Variants in MAPK8IP2 observed in about 807,000 individuals in gnomAD.
MAPK8IP2 encodes C-Jun-amino-terminal kinase-interacting protein 2.
In MAPK8IP2, 15 loss-of-function variants were observed where a neutral mutation model predicts 75.6. The observed-to-expected ratio is 0.20, with a 90% CI of 0.13 to 0.31. MAPK8IP2 has a LOEUF of 0.31. Ranked by LOEUF, MAPK8IP2 falls within the 10% of genes least tolerant of loss-of-function variation. MAPK8IP2 has a pLI of 1.00. For missense variants in MAPK8IP2, 1,089 were observed against 1,211.2 expected (o/e 0.90, Z 1.50); for synonymous variants, 632 against 554.5 (o/e 1.14, Z -1.96).
intron 8 of MAPK8IP2, among the ~76,000 whole-genome samples, chr22:50,606,428 G>C (rs1029615008): frequency 2.8e-5 from 2 of 72,424 alleles, no homozygotes; most frequent in Non-Finnish European, 6.8e-5. Flanking sequence ...CTGCCTGGAG[G>C]AGCAGAAGGA....
chr22:50,606,511 T>TA lies in MAPK8IP2; in HGVS notation c.2125-146dup, dbSNP rs1396297502. On this transcript the variant is annotated intron_variant, in intron 8 of 11. Coordinates refer to ENST00000329492, the MANE Select transcript of MAPK8IP2 (RefSeq NM_012324.6). ...GAGGAGTGGCCAAGGCCACACCCCTTATGTCTTCCAGAATTGCATCTCAGG... is the reference window on the plus strand; with the variant it reads ...GAGGAGTGGCCAAGGCCACACCCCTTAATGTCTTCCAGAATTGCATCTCAGG... The TA allele has an allele frequency of 6.0e-6, 4 of 671,984 alleles. No individual in the cohort carries two copies. In the African/African-American group the frequency reaches 7.1e-5, roughly 12 times the overall value. 41.6% of individuals were successfully genotyped at this position (671,984 alleles called of 1,614,324 possible). A position where few individuals can be genotyped will look rare whatever the true frequency, so the allele number is the denominator to read the frequency against.
At chr22:50,608,556 G>T (rs113812132) in intron 10 of MAPK8IP2, among the ~76,000 whole-genome samples, 3 of 138,828 alleles carry the variant, frequency 2.2e-5, no homozygotes, top group Non-Finnish European at 3.1e-5. Context: ...ACAGTGGGCA[G>T]GGGCGCAGAC....
In MAPK8IP2 at chr22:50,604,766, CG is replaced by C; in HGVS notation, c.1472del (p.Gly491AlafsTer34). 6.5e-7 allele frequency: 1 copy of C among 1,544,218 alleles called. No homozygotes were observed. Among genetic ancestry groups the C allele is most frequent in the Non-Finnish European group, 8.7e-7 (1 of 1,145,424 alleles). The stretch of plus-strand genomic sequence containing the variant: ...ATGCCGAGGACAGTGCGGGGTCCCC[CG>C]GGGGCAGGGGCACGGGCCCCTCGGC... ...EDAEDSAGSP[G>X]GRGTGPSAPR... On this transcript the variant is annotated frameshift_variant, in exon 5 of 12. Coordinates refer to ENST00000329492, the MANE Select transcript of MAPK8IP2 (RefSeq NM_012324.6). LOFTEE classifies it high-confidence loss of function.
chr22:50,604,150 G>C lies in MAPK8IP2; in HGVS notation c.851G>C (p.Ser284Thr), dbSNP rs2070996163. Residue 284 changes from serine (S) to threonine (T), a missense_variant, in exon 5 of 12, where the codon AGC becomes ACC. By Grantham distance (58) the Ser-to-Thr change is moderately conservative. Transcript: ENST00000329492. The part of the protein sequence containing the change: ...TELELSSDGG[S>T]SSSGRSSHLT... ...CTGGAGCTGAGCAGCGATGGCGGAA[G>C]CAGCAGCAGCGGCCGCTCCTCGCAC... is the stretch of plus-strand genomic sequence containing the variant. 4 of 1,554,476 alleles carry C rather than the reference G, an allele frequency of 2.6e-6. No homozygotes were observed. Among genetic ancestry groups the C allele is most frequent in the Non-Finnish European group, 3.5e-6 (4 of 1,159,066 alleles).
chr22:50,606,594 C>G, intron 8 of MAPK8IP2, 64 bp from the exon 9 acceptor site: 1 of 1,151,100 alleles, frequency 8.7e-7, no homozygotes, highest in Non-Finnish European at 1.3e-6. Flanking sequence ...GTAGTCCCAC[C>G]AAGGGGAAAG....
chr22:50,609,062 C>T (rs2071101416), intron 10 of MAPK8IP2, among the ~76,000 whole-genome samples: 1 of 152,132 alleles, frequency 6.6e-6, no homozygotes, highest in Non-Finnish European at 1.5e-5. Flanking sequence ...TGCCCTGGCC[C>T]AGACCTTCCT....
At position 50,603,950 on chromosome 22, in the gene MAPK8IP2, AG is replaced by A. The variant is rs1410448807; in HGVS notation, c.657del (p.Thr220LeufsTer13). 2 of 1,546,446 alleles carry A rather than the reference AG, an allele frequency of 1.3e-6. No homozygotes were observed. Among genetic ancestry groups the A allele is most frequent in the South Asian group, 1.2e-5 (1 of 84,556 alleles). On this transcript the variant is annotated frameshift_variant, in exon 5 of 12. Coordinates refer to ENST00000329492, the MANE Select transcript of MAPK8IP2 (RefSeq NM_012324.6). LOFTEE classifies it high-confidence loss of function. ...ACCGGCCTGCGGAACCCCCTGCGCC[AG>A]GGGGGACTTCGCCCTCCTCAGATCC... Reference protein sequence around the residue: ...GNRPAEPPAPGGTSPSSDPGI... With the variant: ...GNRPAEPPAPXGTSPSSDPGI...
rs911924968 is a variant in MAPK8IP2 at position 50,604,057 on chromosome 22, G to A, written c.758G>A (p.Gly253Asp). The A allele has an allele frequency of 1.9e-6, 3 of 1,542,604 alleles. No individual in the cohort carries two copies. The highest frequency in any genetic ancestry group is 4.9e-5 in the East Asian group (2 of 40,844). The part of the protein sequence containing the change: ...RRSSQELSSP[G>D]SDSEDAGGAR... ...AGCAGCCAGGAGCTGTCCTCGCCCG[G>A]CTCCGACTCGGAGGACGCGGGCGGC... Residue 253 changes from glycine to aspartate, a missense_variant, in exon 5 of 12, where the codon GGC becomes GAC. By Grantham distance (94) the Gly-to-Asp change is moderately conservative. Transcript: ENST00000329492.
rs1433427469 is a variant in MAPK8IP2, at chr22:50,604,064, C to T, written c.765C>T (p.Asp255=). The T allele has an allele frequency of 1.3e-6, 2 of 1,543,856 alleles. No homozygotes were observed. Among genetic ancestry groups the T allele is most frequent in the Non-Finnish European group, 1.7e-6 (2 of 1,153,078 alleles). ...AGGAGCTGTCCTCGCCCGGCTCCGA[C>T]TCGGAGGACGCGGGCGGCGCGCGCC... ...SSQELSSPGS[D]SEDAGGARLG... Residue 255 remains aspartate (D), a synonymous_variant, in exon 5 of 12, where the codon GAC becomes GAT. Coordinates refer to ENST00000329492, the MANE Select transcript of MAPK8IP2 (RefSeq NM_012324.6).
chr22:50,603,628 C>G lies in MAPK8IP2; in HGVS notation c.450C>G (p.Asp150Glu). The change falls in exon 4 of 12, where the codon GAC (aspartate) becomes GAG (glutamate). Residue 150 changes from aspartate to glutamate, a missense_variant and splice_region_variant. Coordinates refer to ENST00000329492, the MANE Select transcript of MAPK8IP2 (RefSeq NM_012324.6). ...TLRLTTLGAQ[D>E]SLNNNGGFDL... ...GCCGTCATGTATCTCCACCCCAGGACTCCCTAAACAACAACGGAGGCTTTG... is the reference window on the plus strand; with the variant it reads ...GCCGTCATGTATCTCCACCCCAGGAGTCCCTAAACAACAACGGAGGCTTTG... The G allele has an allele frequency of 6.3e-7, 1 of 1,593,820 alleles. No individual in the cohort carries two copies. The highest frequency in any genetic ancestry group is 1.1e-5 in the South Asian group (1 of 87,838).
chr22:50,610,436 T>G lies in MAPK8IP2; in HGVS notation c.2402+126T>G, dbSNP rs142255269. On this transcript the variant is annotated intron_variant, in intron 11 of 11. Transcript: ENST00000329492. This position sits in a 1 kb window ranked among gnomAD's most constrained non-coding sequence, Gnocchi z 4.3. The stretch of plus-strand genomic sequence containing the variant: ...TGGGGAAGGAGAACCAGATGTGCTG[T>G]GTAGAGAGGGCAGTGGTGGGTGACA... 1.4e-3 allele frequency: 1,187 copies of G among 844,966 alleles called. 4 individuals are homozygous for G. The highest frequency in any genetic ancestry group is 1.2e-3 in the Non-Finnish European group (610 of 524,094). 52.3% of individuals were successfully genotyped at this position (844,966 alleles called of 1,614,324 possible).
chr22:50,604,198 C>G lies in MAPK8IP2; in HGVS notation c.899C>G (p.Ala300Gly). 1 of 1,544,262 alleles carries G rather than the reference C, an allele frequency of 6.5e-7. No individual in the cohort carries two copies. Among genetic ancestry groups the G allele is most frequent in the Non-Finnish European group, 8.7e-7 (1 of 1,152,634 alleles). ...SSHLTNSIEE[A>G]SSPASEPEPP... The stretch of plus-strand genomic sequence containing the variant: ...CACCTCACCAACTCCATCGAGGAGG[C>G]CTCGTCGCCCGCCTCGGAGCCGGAG... Residue 300 changes from alanine (A) to glycine (G), a missense_variant, in exon 5 of 12, where the codon GCC becomes GGC. Physicochemically the swap from Ala to Gly is moderately conservative, Grantham distance 60. Around this residue, in one of 2 missense-constraint regions of MAPK8IP2, gnomAD observed 960 missense variants for 1,009.6 expected, o/e 0.95. Coordinates refer to ENST00000329492, the MANE Select transcript of MAPK8IP2 (RefSeq NM_012324.6).
At chr22:50,601,580 C>T in intron 1 of MAPK8IP2, 1 of 543,292 alleles carries the variant, frequency 1.8e-6, no homozygotes, top group Non-Finnish European at 3.3e-6. Flanking sequence ...GGGTTGGCTC[C>T]TCCGGGCAGG....
In MAPK8IP2 at chr22:50,611,150, C is replaced by T. The variant is rs2071143589; in HGVS notation, c.*371C>T. On this transcript the variant is annotated 3_prime_UTR_variant, in exon 12 of 12. Transcript: ENST00000329492. The surrounding 1 kb of genome is among the most constrained non-coding windows in gnomAD (Gnocchi z 5.5). The stretch of plus-strand genomic sequence containing the variant: ...TCGGGGGTGTGGAGGAGGTGCGGCT[C>T]TAGGGACAGGTAATGTCGGCTTCCA... The T allele has an allele frequency of 4.9e-6, 1 of 203,982 alleles. No individual in the cohort carries two copies. The highest frequency in any genetic ancestry group is 5.9e-5 in the Admixed American group (1 of 16,870). The allele number at this position is 203,982 out of a possible 1,614,324, so 12.6% of individuals were successfully genotyped here. A position where few individuals can be genotyped will look rare whatever the true frequency, so the allele number is the denominator to read the frequency against.
chr22:50,603,209 C>G lies in MAPK8IP2; in HGVS notation c.172-14C>G. On this transcript the variant is annotated splice_polypyrimidine_tract_variant and intron_variant, in intron 2 of 11. Coordinates refer to ENST00000329492, the MANE Select transcript of MAPK8IP2 (RefSeq NM_012324.6). ...CCCTCTGGCCCAGCCCTGCTATCTC[C>G]CTCCGTCCTGCAGGACAGCCTCTCC... 1 of 1,612,222 alleles carries G rather than the reference C, an allele frequency of 6.2e-7. No homozygotes were observed. The highest frequency in any genetic ancestry group is 8.5e-7 in the Non-Finnish European group (1 of 1,179,730).
At chr22:50,605,157 C>T (rs2071026627) in intron 5 of MAPK8IP2, 93 bp downstream of exon 5, 4 of 1,453,078 alleles carry the variant, frequency 2.8e-6, no homozygotes, top group East Asian at 2.3e-5. Flanking sequence ...CCCAGGGCCA[C>T]CTGAGGGTCT....
In MAPK8IP2 at chr22:50,601,907, T is replaced by C. The variant is rs759997200; in HGVS notation, c.171+13T>C. ...CCACTGTGAGAAGGTGGGAGAAGAG[T>C]TGGGGACACAGATCCAGCTCAAGGG... On this transcript the variant is annotated intron_variant, in intron 2 of 11. Transcript: ENST00000329492. 7 of 1,602,984 alleles carry C rather than the reference T, an allele frequency of 4.4e-6. No homozygotes were observed. In the South Asian group the frequency reaches 5.5e-5, roughly 13 times the overall value.
Position 50,604,881 on chromosome 22 carries a change from C to G in MAPK8IP2, c.1582C>G (p.Arg528Gly). The change falls in exon 5 of 12, where the codon CGC becomes GGC. Residue 528 changes from arginine (R) to glycine (G), a missense_variant. Arg to Gly is a moderately radical substitution (Grantham distance 125). Around this residue, in one of 2 missense-constraint regions of MAPK8IP2, gnomAD observed 960 missense variants for 1,009.6 expected, o/e 0.95. Transcript: ENST00000329492. Reference sequence around the variant, plus strand: ...GCAGCTGGAGCTGGTGAGCCTGCGGCGCTGTGCTGGGCTGGGCCACGACAG... The same window carrying G: ...GCAGCTGGAGCTGGTGAGCCTGCGGGGCTGTGCTGGGCTGGGCCACGACAG... ...HTQLELVSLR[R>G]CAGLGHDSEE... 4 of 1,606,720 alleles carry G rather than the reference C, an allele frequency of 2.5e-6. No homozygotes were observed. The highest frequency in any genetic ancestry group is 3.4e-6 in the Non-Finnish European group (4 of 1,177,774).
Position 50,612,614 on chromosome 22 carries a change from A to G in MAPK8IP2, c.*1835A>G, listed in dbSNP as rs1340886690. On this transcript the variant is annotated 3_prime_UTR_variant, in exon 12 of 12. Transcript: ENST00000329492. ...CCCAGAGAGACCGAGGACGCAGACC[A>G]GTGGCACGACGGAAACGCAGAACGT... 6.6e-6 allele frequency: 1 copy of G among 152,418 alleles called. No homozygotes were observed. Among genetic ancestry groups the G allele is most frequent in the East Asian group, 1.9e-4 (1 of 5,208 alleles). 9.4% of individuals were successfully genotyped at this position (152,418 alleles called of 1,614,324 possible). A position where few individuals can be genotyped will look rare whatever the true frequency, so the allele number is the denominator to read the frequency against.
Sources: allele counts gnomAD v4.1 joint callset (sites outside exome capture counted in the v4.1 genomes callset), GRCh38; gene constraint gnomAD v4.1.1; regional missense constraint gnomAD v4.1.1; non-coding constraint Gnocchi (gnomAD v3.1); transcripts MANE v1.5; gene names NCBI Gene and HGNC (gene_info 2026-07-23, HGNC 2026-07-21).